RIPOR1: variants seen among roughly 807,000 people sequenced by gnomAD.
The protein encoded by RIPOR1 is rho family-interacting cell polarization regulator 1.
Under a neutral mutation model 116.5 loss-of-function variants are expected in RIPOR1, and 58 were observed. The observed-to-expected ratio is 0.50, with a 90% CI of 0.40 to 0.62. The LOEUF is 0.62. Among genes scored for constraint, RIPOR1 ranks in the 20% least tolerant of loss-of-function variants. The pLI is 0.00. For missense variants in RIPOR1, 1,372 were observed against 1,586.2 expected (o/e 0.86, Z 2.29); for synonymous variants, 605 against 650.0 (o/e 0.93, Z 1.05).
chr16:67,523,629 G>A (rs1014114301), intron 1 of RIPOR1, among the ~76,000 whole-genome samples: 1 of 150,634 alleles, frequency 6.6e-6, no homozygotes, highest in Non-Finnish European at 1.5e-5. Context: ...GAAATTTGGT[G>A]AAAGGGAGGT....
chr16:67,533,185 A>G (rs1228545422), intron 1 of RIPOR1, among the ~76,000 whole-genome samples: 1 of 152,130 alleles, frequency 6.6e-6, no homozygotes, highest in Non-Finnish European at 1.5e-5. Context: ...AGAAGTTGAG[A>G]CTAGGGAGAG....
chr16:67,525,779 A>G (rs2050535000), upstream of RIPOR1, among the ~76,000 whole-genome samples: 2 of 152,152 alleles, frequency 1.3e-5, no homozygotes, highest in Non-Finnish European at 2.9e-5. Flanking sequence ...GACAGGGCTC[A>G]GGAAATGATG....
At position 67,537,356 on chromosome 16, in the gene RIPOR1, C is replaced by A; in HGVS notation, c.-23-1068C>A. On this transcript the variant is annotated intron_variant, in intron 1 of 21. Transcript: ENST00000042381. The surrounding 1 kb of genome is among the most constrained non-coding windows in gnomAD (Gnocchi z 4.6). ...CCCAGCTGAGCAGACCCCTCGCCCC[C>A]CGTCGGTCCCCTCCCCGAGGGGAAC... The A allele has an allele frequency of 8.2e-7, 1 of 1,223,006 alleles. No homozygotes were observed. The highest frequency in any genetic ancestry group is 1.0e-6 in the Non-Finnish European group (1 of 980,496). The allele number at this position is 1,223,006 out of a possible 1,614,324, so 75.8% of individuals were successfully genotyped here.
Position 67,540,767 on chromosome 16 carries a change from A to T in RIPOR1, c.801+63A>T, listed in dbSNP as rs879013346. 24 of 1,490,806 alleles carry T rather than the reference A, an allele frequency of 1.6e-5. No homozygotes were observed. The South Asian group carries it at 3.2e-4, about 20-fold the overall frequency. The allele number at this position is 1,490,806 out of a possible 1,614,324, so 92.3% of individuals were successfully genotyped here. A position where few individuals can be genotyped will look rare whatever the true frequency, so the allele number is the denominator to read the frequency against. On this transcript the variant is annotated intron_variant, in intron 10 of 21. Transcript: ENST00000042381. The surrounding 1 kb of genome is among the most constrained non-coding windows in gnomAD (Gnocchi z 4.7). ...CTGTGAACCCCTTGTGACCCCCATTACCCTGAGTCCCTTACTCCTGTGATC... is the reference window on the plus strand; with the variant it reads ...CTGTGAACCCCTTGTGACCCCCATTTCCCTGAGTCCCTTACTCCTGTGATC...
Position 67,537,706 on chromosome 16 carries a change from C to T in RIPOR1, c.-23-718C>T, listed in dbSNP as rs1489154960. 4.4e-6 allele frequency: 3 copies of T among 688,510 alleles called. No individual in the cohort carries two copies. In the African/African-American group the frequency reaches 5.6e-5, roughly 13 times the overall value. The allele number at this position is 688,510 out of a possible 1,614,324, so 42.7% of individuals were successfully genotyped here. ...TCGCCGAAGCGGGGTGGGGGTCTGCCGAGGAGCTCTCCCCGCCGATGCCGG... is the reference window on the plus strand; with the variant it reads ...TCGCCGAAGCGGGGTGGGGGTCTGCTGAGGAGCTCTCCCCGCCGATGCCGG... On this transcript the variant is annotated intron_variant, in intron 1 of 21. Transcript: ENST00000042381. The surrounding 1 kb of genome is among the most constrained non-coding windows in gnomAD (Gnocchi z 4.6).
Position 67,540,132 on chromosome 16 carries a change from C to G in RIPOR1, c.494C>G (p.Thr165Ser), listed in dbSNP as rs1435449851. The G allele has an allele frequency of 1.2e-6, 2 of 1,614,114 alleles. No individual in the cohort carries two copies. The highest frequency in any genetic ancestry group is 4.5e-5 in the East Asian group (2 of 44,900). ...GAYNMVRAYT[T>S]GSPGSREARD... The stretch of plus-strand genomic sequence containing the variant: ...TACAACATGGTCCGTGCCTACACCA[C>G]TGGGTCCCCGGGAAGCCGAGAGGCC... The change falls in exon 7 of 22, where the codon ACT becomes AGT. Residue 165 changes from threonine (T) to serine (S), a missense_variant. Transcript: ENST00000042381. The surrounding 1 kb of genome is among the most constrained non-coding windows in gnomAD (Gnocchi z 4.7).
intron 1 of RIPOR1, among the ~76,000 whole-genome samples, chr16:67,532,035 G>C (rs1446087720): frequency 6.6e-6 from 1 of 151,796 alleles, no homozygotes; most frequent in African/African-American, 2.4e-5. Flanking sequence ...GGGACTACAG[G>C]CGCCAGCCAC....
rs922653854 is a variant in RIPOR1 at position 67,546,302 on chromosome 16, C to T, written c.3563-64C>T. ...TGGCTGATGGGAGTAGGAGAGATGGCGCCAGGGGTGGGAGAGTGGGATGGG... is the reference window on the plus strand; with the variant it reads ...TGGCTGATGGGAGTAGGAGAGATGGTGCCAGGGGTGGGAGAGTGGGATGGG... On this transcript the variant is annotated intron_variant, in intron 21 of 21. Coordinates refer to ENST00000042381, the MANE Select transcript of RIPOR1 (RefSeq NM_024519.4). The T allele has an allele frequency of 6.7e-5, 107 of 1,604,916 alleles. No individual in the cohort carries two copies. In the Admixed American group the frequency reaches 1.0e-3, roughly 16 times the overall value.
rs1222448828 is a variant in RIPOR1, at chr16:67,537,997, C to G, written c.-23-427C>G. 1.1e-5 allele frequency: 2 copies of G among 177,130 alleles called. No individual in the cohort carries two copies. Among genetic ancestry groups the G allele is most frequent in the Non-Finnish European group, 2.3e-5 (2 of 86,240 alleles). 11.0% of individuals were successfully genotyped at this position (177,130 alleles called of 1,614,324 possible). Reference sequence around the variant, plus strand: ...CCGCCCCGTGACCTCCTTGGGCTCCCGGGGTGGGGGGCCCCGAGCTCCGGG... The same window carrying G: ...CCGCCCCGTGACCTCCTTGGGCTCCGGGGGTGGGGGGCCCCGAGCTCCGGG... On this transcript the variant is annotated intron_variant, in intron 1 of 21. Coordinates refer to ENST00000042381, the MANE Select transcript of RIPOR1 (RefSeq NM_024519.4). This position sits in a 1 kb window ranked among gnomAD's most constrained non-coding sequence, Gnocchi z 4.6.
In RIPOR1 at chr16:67,542,537, C is replaced by G. The variant is rs1018098086; in HGVS notation, c.1751C>G (p.Thr584Ser). Residue 584 changes from threonine (T) to serine (S), a missense_variant, in exon 13 of 22, where the codon ACT (threonine) becomes AGT (serine). Physicochemically the swap from Thr to Ser is moderately conservative, Grantham distance 58. This residue lies in a region of RIPOR1 where 1,005 missense variants were observed against 1,144.7 expected (regional missense o/e 0.88). Transcript: ENST00000042381. This position sits in a 1 kb window ranked among gnomAD's most constrained non-coding sequence, Gnocchi z 4.6. ...AAGCCCATAATCTCTACCCTTACTA[C>G]TACAGGCCCTACCCTCAATATCATA... Reference protein sequence around the residue: ...THKPIISTLTTTGPTLNIIGP... With the variant: ...THKPIISTLTSTGPTLNIIGP... The G allele has an allele frequency of 2.2e-5, 36 of 1,613,852 alleles. No individual in the cohort carries two copies. Among genetic ancestry groups the G allele is most frequent in the Non-Finnish European group, 2.5e-5 (29 of 1,179,966 alleles).
intron 1 of RIPOR1, among the ~76,000 whole-genome samples, chr16:67,534,835 CTTTT>C (rs553858194): frequency 1.0e-4 from 8 of 79,000 alleles, no homozygotes; most frequent in Admixed American, 6.8e-4. Flanking sequence ...TTCTTTTTTT[CTTTT>C]TTTTTTTTTT....
intron 1 of RIPOR1, among the ~76,000 whole-genome samples, chr16:67,522,615 A>G (rs1335972008): frequency 2.0e-5 from 3 of 152,090 alleles, no homozygotes; most frequent in African/African-American, 4.8e-5. Flanking sequence ...GATTACAGGC[A>G]TGAGCCACTG....
chr16:67,545,287 C>G lies in RIPOR1; in HGVS notation c.3032-89C>G. 2 of 1,550,146 alleles carry G rather than the reference C, an allele frequency of 1.3e-6. No homozygotes were observed. The highest frequency in any genetic ancestry group is 1.7e-6 in the Non-Finnish European group (2 of 1,145,432). On this transcript the variant is annotated intron_variant, in intron 17 of 21. Coordinates refer to ENST00000042381, the MANE Select transcript of RIPOR1 (RefSeq NM_024519.4). This position sits in a 1 kb window ranked among gnomAD's most constrained non-coding sequence, Gnocchi z 4.8. The stretch of plus-strand genomic sequence containing the variant: ...ATGGGTGGGGTTTGAACAGGGGGCC[C>G]CTGGACCTGAGCCTGGGATAGGAGC...
rs554954059 is a variant in RIPOR1, at chr16:67,529,869, A to G, written c.-24+955A>G. 28 of 1,496,948 alleles carry G rather than the reference A, an allele frequency of 1.9e-5. No individual in the cohort carries two copies. The East Asian group carries it at 5.6e-4, about 30-fold the overall frequency. 92.7% of individuals were successfully genotyped at this position (1,496,948 alleles called of 1,614,324 possible). Reference sequence around the variant, plus strand: ...AAACAGGCCCAGAGAGGTTAGTAGTATTCTCAAGGTCACACAGCTGGTTTG... The same window carrying G: ...AAACAGGCCCAGAGAGGTTAGTAGTGTTCTCAAGGTCACACAGCTGGTTTG... On this transcript the variant is annotated intron_variant, in intron 1 of 21. Transcript: ENST00000042381. This position sits in a 1 kb window ranked among gnomAD's most constrained non-coding sequence, Gnocchi z 4.1.
At chr16:67,525,917 T>C (rs990870757), upstream of RIPOR1, among the ~76,000 whole-genome samples, 1 of 152,142 alleles carries the variant, frequency 6.6e-6, no homozygotes, top group African/African-American at 2.4e-5. Flanking sequence ...AGGTGTCTCC[T>C]CTTTGAAGTG....
At position 67,537,660 on chromosome 16, in the gene RIPOR1, TG is replaced by T; in HGVS notation, c.-23-759del. On this transcript the variant is annotated intron_variant, in intron 1 of 21. Transcript: ENST00000042381. This position sits in a 1 kb window ranked among gnomAD's most constrained non-coding sequence, Gnocchi z 4.6. Reference sequence around the variant, plus strand: ...GGCCCCAGGGGAAGCAGGCCGGGTTTGGGGGCCAGGAGTGTGTGTTTCGCCG... The same window carrying T: ...GGCCCCAGGGGAAGCAGGCCGGGTTTGGGGCCAGGAGTGTGTGTTTCGCCG... 3 of 1,194,758 alleles carry T rather than the reference TG, an allele frequency of 2.5e-6. No homozygotes were observed. Among genetic ancestry groups the T allele is most frequent in the South Asian group, 2.0e-5 (1 of 49,844 alleles). The allele number at this position is 1,194,758 out of a possible 1,614,324, so 74.0% of individuals were successfully genotyped here.
intron 1 of RIPOR1, among the ~76,000 whole-genome samples, chr16:67,534,194 G>A (rs1187262926): frequency 6.6e-6 from 1 of 150,884 alleles, no homozygotes; most frequent in Non-Finnish European, 1.5e-5. Flanking sequence ...AGTGCAGCGC[G>A]ACCTCAGCTC....
intron 1 of RIPOR1, among the ~76,000 whole-genome samples, chr16:67,521,891 A>G (rs1335847794): frequency 6.6e-6 from 1 of 152,264 alleles, no homozygotes; most frequent in Non-Finnish European, 1.5e-5. Context: ...ACAAAGAAGA[A>G]AATAAACCAA....
rs1459840989 is a variant in RIPOR1 at position 67,538,461 on chromosome 16, G to T, written c.15G>T (p.Ser5=). 1.9e-6 allele frequency: 3 copies of T among 1,608,284 alleles called. No homozygotes were observed. The highest frequency in any genetic ancestry group is 1.7e-5 in the Admixed American group (1 of 59,336). The change falls in exon 2 of 22, where the codon TCG becomes TCT. Residue 5 remains serine (S), a synonymous_variant. Coordinates refer to ENST00000042381, the MANE Select transcript of RIPOR1 (RefSeq NM_024519.4). ...GGACTCACTCTATGATGTCCCTGTC[G>T]GTGCGGCCGCAGCGCCGTCTGCTCA... MMSL[S]VRPQRRLLSA... is the part of the protein sequence containing the mutation.
Sources: allele counts gnomAD v4.1 joint callset (sites outside exome capture counted in the v4.1 genomes callset), GRCh38; gene constraint gnomAD v4.1.1; regional missense constraint gnomAD v4.1.1; non-coding constraint Gnocchi (gnomAD v3.1); transcripts MANE v1.5; gene names NCBI Gene and HGNC (gene_info 2026-07-23, HGNC 2026-07-21).